PRR5L: variants seen among roughly 807,000 people sequenced by gnomAD.
The protein encoded by PRR5L is proline-rich protein 5-like.
PRR5L carries 21 observed loss-of-function variants against 36.4 expected under a neutral mutation model. That is an observed-to-expected ratio of 0.58 (90% confidence interval 0.41 to 0.83). The LOEUF (loss-of-function observed/expected upper bound fraction) is 0.83. Ranked by LOEUF, PRR5L falls within the 40% of genes least tolerant of loss-of-function variation. PRR5L has a pLI of 0.00. For synonymous variants in PRR5L, 188 were observed against 197.0 expected, an observed-to-expected ratio of 0.95 and a Z score of 0.38; for missense variants, 381 against 473.3, an observed-to-expected ratio of 0.80 and a Z score of 1.81.
At chr11:36,359,995 C>T (rs551045538) in intron 1 of PRR5L, among the ~76,000 whole-genome samples, 41 of 151,706 alleles carry the variant, frequency 2.7e-4, no homozygotes, top group Non-Finnish European at 4.7e-4. Flanking sequence ...CGAGATCATG[C>T]CACTGCACTC....
At chr11:36,452,571 G>A (rs1041165970) in intron 8 of PRR5L, among the ~76,000 whole-genome samples, 2 of 152,182 alleles carry the variant, frequency 1.3e-5, no homozygotes, top group Admixed American at 1.3e-4. Context: ...ATGGGCCAGA[G>A]TTTCAATGAC....
chr11:36,345,510 A>G (rs947292481), intron 1 of PRR5L, among the ~76,000 whole-genome samples: 5 of 151,038 alleles, frequency 3.3e-5, no homozygotes, highest in Admixed American at 3.3e-4. Context: ...ATTCATGCAG[A>G]AAAAAAAACA....
intron 1 of PRR5L, among the ~76,000 whole-genome samples, chr11:36,326,305 ACACACAC>A (rs1856661842): frequency 2.2e-5 from 1 of 44,494 alleles, no homozygotes; most frequent in Non-Finnish European, 5.0e-5. Flanking sequence ...CAATAGATAC[ACACACAC>A]ACACACACAC....
intron 3 of PRR5L, among the ~76,000 whole-genome samples, chr11:36,412,951 C>CT (rs933602872): frequency 2.0e-5 from 3 of 152,000 alleles, no homozygotes; most frequent in African/African-American, 7.2e-5. Context: ...CTGAGTTCCT[C>CT]TTTTTTTGGT....
At chr11:36,416,179 ACT>A (rs1858138651) in intron 3 of PRR5L, among the ~76,000 whole-genome samples, 1 of 149,448 alleles carries the variant, frequency 6.7e-6, no homozygotes. Flanking sequence ...GCAATGAAAA[ACT>A]CTGCATATAT....
At chr11:36,328,626 A>T (rs1210263109) in intron 1 of PRR5L, among the ~76,000 whole-genome samples, 1 of 152,138 alleles carries the variant, frequency 6.6e-6, no homozygotes, top group Non-Finnish European at 1.5e-5. Flanking sequence ...TTTCTTTAGA[A>T]ATTACCCAGT....
chr11:36,423,127 C>G (rs887171035), intron 4 of PRR5L, among the ~76,000 whole-genome samples: 1 of 152,094 alleles, frequency 6.6e-6, no homozygotes, highest in Admixed American at 6.6e-5. Context: ...GATATAGAAA[C>G]TCAGGCTAGA....
intron 1 of PRR5L, among the ~76,000 whole-genome samples, chr11:36,331,809 A>G (rs1440475011): frequency 6.6e-6 from 1 of 152,228 alleles, no homozygotes; most frequent in Non-Finnish European, 1.5e-5. Flanking sequence ...GAGTTCATAG[A>G]AAAATGTGAT....
At chr11:36,316,559 G>A (rs1438509282) in intron 1 of PRR5L, among the ~76,000 whole-genome samples, 1 of 152,068 alleles carries the variant, frequency 6.6e-6, no homozygotes, top group African/African-American at 2.4e-5. Flanking sequence ...TTGAAATGAG[G>A]TTTTCTTGCT....
At chr11:36,352,588 C>T (rs867168036) in intron 1 of PRR5L, among the ~76,000 whole-genome samples, 12 of 152,138 alleles carry the variant, frequency 7.9e-5, no homozygotes, top group African/African-American at 2.2e-4. Flanking sequence ...TAACTCATGT[C>T]GGTACCTGGC....
intron 1 of PRR5L, among the ~76,000 whole-genome samples, chr11:36,372,163 A>G (rs546271912): frequency 2.7e-4 from 41 of 152,362 alleles, no homozygotes; most frequent in African/African-American, 8.2e-4. Context: ...AATCAGAGGA[A>G]GAGAGTGTGG....
intron 1 of PRR5L, among the ~76,000 whole-genome samples, chr11:36,369,662 C>A (rs1233501521): frequency 1.3e-5 from 2 of 152,088 alleles, no homozygotes; most frequent in African/African-American, 4.8e-5. Context: ...GTGGTGAGAT[C>A]TCAGCTCACC....
chr11:36,451,250 A>G lies in PRR5L; in HGVS notation c.627A>G (p.Gln209=), dbSNP rs3740958. The G allele has an allele frequency of 0.14, 225,695 of 1,613,888 alleles. 17,692 individuals carry two copies. Among genetic ancestry groups the G allele is most frequent in the East Asian group, 0.34 (15,222 of 44,850 alleles). The change falls in exon 8 of 9, where the codon CAA becomes CAG. Residue 209 remains glutamine (Q), a synonymous_variant. Transcript: ENST00000530639. ...CAGGCCCAAGTGAGAGTTATTTGCA[A>G]CTGGAGGAGCTGGTGAAGCAAGTGG... ...EPTGPSESYL[Q]LEELVKQVVS...
chr11:36,320,108 A>G (rs185747633), intron 1 of PRR5L, among the ~76,000 whole-genome samples: 1 of 152,290 alleles, frequency 6.6e-6, no homozygotes, highest in East Asian at 1.9e-4. Context: ...TGTATTAGAA[A>G]AACATGTTGA....
chr11:36,422,667 G>A (rs966286058), intron 4 of PRR5L, among the ~76,000 whole-genome samples: 1 of 152,132 alleles, frequency 6.6e-6, no homozygotes, highest in Non-Finnish European at 1.5e-5. Context: ...AATGACCCCA[G>A]GTGAGGCCAA....
At chr11:36,416,331 C>A (rs1477182237) in intron 3 of PRR5L, among the ~76,000 whole-genome samples, 2 of 152,168 alleles carry the variant, frequency 1.3e-5, no homozygotes, top group African/African-American at 4.8e-5. Flanking sequence ...TAAGAAAGGT[C>A]TTTTCTGTTC....
chr11:36,401,483 C>A (rs1010912523), intron 2 of PRR5L, among the ~76,000 whole-genome samples, 198 bp downstream of exon 2: 3 of 152,010 alleles, frequency 2.0e-5, no homozygotes, highest in Non-Finnish European at 2.9e-5. Flanking sequence ...GGAGTGCAGT[C>A]GTGCAATTAT....
chr11:36,392,346 C>T (rs560307731), intron 1 of PRR5L, among the ~76,000 whole-genome samples: 2 of 152,136 alleles, frequency 1.3e-5, no homozygotes, highest in African/African-American at 4.8e-5. Flanking sequence ...AGTGAGATTG[C>T]TGAATCATAT....
intron 1 of PRR5L, among the ~76,000 whole-genome samples, chr11:36,325,975 T>G (rs1856658167): frequency 6.6e-6 from 1 of 152,232 alleles, no homozygotes; most frequent in Non-Finnish European, 1.5e-5. Context: ...GTTTGTTTTT[T>G]ATTAAGCGGT....
Sources: allele counts gnomAD v4.1 joint callset (sites outside exome capture counted in the v4.1 genomes callset), GRCh38; gene constraint gnomAD v4.1.1; transcripts MANE v1.5; gene names NCBI Gene and HGNC (gene_info 2026-07-23, HGNC 2026-07-21).